Variants in STK10 observed in about 807,000 individuals in gnomAD.
STK10 encodes the protein serine/threonine kinase 10, also known as serine/threonine-protein kinase 10.
Under a neutral mutation model 113.8 loss-of-function variants are expected in STK10, and 78 were observed. The observed-to-expected ratio is 0.69, with a 90% CI of 0.57 to 0.83. The LOEUF is 0.83. Ranked by LOEUF, STK10 falls within the 40% of genes least tolerant of loss-of-function variation. The probability of loss-of-function intolerance (pLI) is 0.00; values close to 1 mark genes in which losing one functional copy is unlikely to be tolerated. For synonymous variants in STK10, 465 were observed against 494.7 expected (o/e 0.94, Z 0.80); for missense variants, 1,109 against 1,280.1 (o/e 0.87, Z 2.04).
chr5:172,093,279 G>T lies in STK10; in HGVS notation c.1554+133C>A. Reference sequence around the variant, plus strand: ...AGATATTTTGGAGATTAAACTATGAGTCAAACCCAAAACCCCCTAATGAAC... The same window carrying T: ...AGATATTTTGGAGATTAAACTATGATTCAAACCCAAAACCCCCTAATGAAC... On this transcript the variant is annotated intron_variant, in intron 9 of 18. Coordinates refer to ENST00000176763, the MANE Select transcript of STK10 (RefSeq NM_005990.4). The surrounding 1 kb of genome is among the most constrained non-coding windows in gnomAD (Gnocchi z 4.1). The T allele has an allele frequency of 1.1e-6, 1 of 950,020 alleles. No homozygotes were observed. Among genetic ancestry groups the T allele is most frequent in the Non-Finnish European group, 1.6e-6 (1 of 643,944 alleles). 58.8% of individuals were successfully genotyped at this position (950,020 alleles called of 1,614,324 possible). A position where few individuals can be genotyped will look rare whatever the true frequency, so the allele number is the denominator to read the frequency against.
At chr5:172,122,188 A>G (rs1769525567) in intron 3 of STK10, among the ~76,000 whole-genome samples, 1 of 152,054 alleles carries the variant, frequency 6.6e-6, no homozygotes, top group Non-Finnish European at 1.5e-5. Flanking sequence ...TAAAGTCAGG[A>G]TTATTGAGGT....
At position 172,133,007 on chromosome 5, in the gene STK10, C is replaced by T. The variant is rs1056436884; in HGVS notation, c.322-5586G>A. ...TGAGTTTTGAAGGGTGAATTTACCA[C>T]GTGGGGAAGGGTAAAGGCACTCCTG... On this transcript the variant is annotated intron_variant, in intron 2 of 18. Transcript: ENST00000176763. The surrounding 1 kb of genome is among the most constrained non-coding windows in gnomAD (Gnocchi z 4.9). Among the ~76,000 whole-genome samples, 1 of 152,072 alleles carries T rather than the reference C, an allele frequency of 6.6e-6. No individual in the cohort carries two copies. Among genetic ancestry groups the T allele is most frequent in the African/African-American group, 2.4e-5 (1 of 41,416 alleles).
At chr5:172,134,600 A>C (rs1488687287) in intron 2 of STK10, among the ~76,000 whole-genome samples, 1 of 152,178 alleles carries the variant, frequency 6.6e-6, no homozygotes, top group East Asian at 1.9e-4. Flanking sequence ...ATATTTGTGC[A>C]TCAAAGGACA....
chr5:172,054,824 C>A (rs1767710538), intron 16 of STK10, 130 bp from the exon 17 acceptor site: 1 of 1,306,836 alleles, frequency 7.7e-7, no homozygotes, highest in East Asian at 2.3e-5. Flanking sequence ...GTACCCAGCA[C>A]CACCTCAGGC....
chr5:172,103,888 C>T (rs1769045976), intron 7 of STK10, among the ~76,000 whole-genome samples: 1 of 152,254 alleles, frequency 6.6e-6, no homozygotes. Flanking sequence ...TGCTGCTATT[C>T]ACTCCCATTT....
At chr5:172,107,228 A>G (rs1769135025) in intron 5 of STK10, among the ~76,000 whole-genome samples, 1 of 152,244 alleles carries the variant, frequency 6.6e-6, no homozygotes, top group Admixed American at 6.5e-5. Context: ...CAAGCAAGAA[A>G]GGAGCCCAAA....
chr5:172,106,968 A>C, intron 5 of STK10, 154 bp from the exon 6 acceptor site: 1 of 688,498 alleles, frequency 1.5e-6, no homozygotes, highest in South Asian at 2.1e-5. Context: ...TGTCTTCCTT[A>C]GGACGCTCTT....
At chr5:172,048,414 T>TACACACACACACACAC (rs370301917) in intron 18 of STK10, among the ~76,000 whole-genome samples, 5,365 of 128,356 alleles carry the variant, frequency 0.042, 328 homozygotes, top group African/African-American at 0.089. Context: ...TCCCTCTCCC[T>TACACACACACACACAC]ACACACACAC....
At chr5:172,175,671 A>G (rs530482508) in intron 1 of STK10, among the ~76,000 whole-genome samples, 1 of 152,268 alleles carries the variant, frequency 6.6e-6, no homozygotes, top group African/African-American at 2.4e-5. Context: ...GAAGGGTGAC[A>G]TTCCTGGGCA....
At chr5:172,151,358 T>C (rs984874934) in intron 2 of STK10, among the ~76,000 whole-genome samples, 13 of 151,838 alleles carry the variant, frequency 8.6e-5, no homozygotes, top group Admixed American at 1.3e-4. Flanking sequence ...TTTTTTTTTT[T>C]AATTGAGTCA....
At chr5:172,130,017 C>T (rs1171269037) in intron 2 of STK10, among the ~76,000 whole-genome samples, 1 of 152,124 alleles carries the variant, frequency 6.6e-6, no homozygotes, top group East Asian at 1.9e-4. Flanking sequence ...TGAAAGCCAT[C>T]CTCTCCCCTC....
chr5:172,172,976 TCA>T (rs1491496470), intron 1 of STK10, among the ~76,000 whole-genome samples: 1 of 150,388 alleles, frequency 6.6e-6, no homozygotes, highest in East Asian at 2.0e-4. Context: ...CAAGACTCTG[TCA>T]AAAAAAAGAA....
chr5:172,095,183 C>T (rs535402350), intron 8 of STK10, among the ~76,000 whole-genome samples: 1 of 152,334 alleles, frequency 6.6e-6, no homozygotes, highest in Admixed American at 6.5e-5. Context: ...GTCTTGCCAG[C>T]CACCGGTTTT....
intron 7 of STK10, among the ~76,000 whole-genome samples, chr5:172,102,748 A>G (rs946726503): frequency 1.8e-4 from 28 of 152,190 alleles, no homozygotes; most frequent in African/African-American, 6.8e-4. Flanking sequence ...GATAGAGTGG[A>G]CGGGTTTAAG....
chr5:172,057,043 A>AAGAAAGAAAGAAAGAAAG, intron 15 of STK10: 1 of 204,564 alleles, frequency 4.9e-6, no homozygotes. Context: ...GAAAGAAAGA[A>AAGAAAGAAAGAAAGAAAG]AGAAAGAAAA....
In STK10 at chr5:172,078,947, C is replaced by A. The variant is rs560373639; in HGVS notation, c.1989+3379G>T. Among the ~76,000 whole-genome samples the A allele has an allele frequency of 4.3e-3, 618 of 144,754 alleles. 4 individuals are homozygous for A. Among genetic ancestry groups the A allele is most frequent in the African/African-American group, 0.014 (575 of 39,730 alleles). 95.0% of individuals were successfully genotyped at this position (144,754 alleles called of 152,430 possible). A position where few individuals can be genotyped will look rare whatever the true frequency, so the allele number is the denominator to read the frequency against. On this transcript the variant is annotated intron_variant, in intron 12 of 18. Transcript: ENST00000176763. ...TCCTCTCTCTCCCACTCTTATAAGTCCACACACACACACACACACACACAC... is the reference window on the plus strand; with the variant it reads ...TCCTCTCTCTCCCACTCTTATAAGTACACACACACACACACACACACACAC...
At chr5:172,084,842 G>C (rs759297871) in intron 10 of STK10, among the ~76,000 whole-genome samples, 1 of 152,118 alleles carries the variant, frequency 6.6e-6, no homozygotes, top group Non-Finnish European at 1.5e-5. Context: ...GTTCCAGTGA[G>C]AATTTGATGT....
At chr5:172,157,728 C>T (rs557581281) in intron 1 of STK10, among the ~76,000 whole-genome samples, 2 of 152,030 alleles carry the variant, frequency 1.3e-5, no homozygotes, top group South Asian at 4.2e-4. Flanking sequence ...AGAACTGGAA[C>T]TACAGATGTG....
At chr5:172,048,119 C>T (rs756480841) in intron 18 of STK10, among the ~76,000 whole-genome samples, 75 of 152,206 alleles carry the variant, frequency 4.9e-4, no homozygotes, top group Admixed American at 2.0e-4. Flanking sequence ...CCACGGTATC[C>T]ACCTGTTTGG....
Sources: gnomAD v4.1 joint callset for allele counts (sites outside exome capture counted in the v4.1 genomes callset) on GRCh38, gnomAD v4.1.1 for gene constraint, Gnocchi (gnomAD v3.1) non-coding constraint, MANE v1.5 for transcripts, NCBI Gene and HGNC (gene_info 2026-07-23, HGNC 2026-07-21) for gene names.